The following EP300 variants were observed in gnomAD, a reference collection of about 807,000 sequenced individuals.
The protein encoded by EP300 is histone acetyltransferase p300.
In EP300, 31 loss-of-function variants were observed where a neutral mutation model predicts 264.0. The ratio of observed to expected loss-of-function variants is 0.12; its 90% CI spans 0.09 to 0.16. The LOEUF (loss-of-function observed/expected upper bound fraction) is 0.16, where lower values mean the gene tolerates loss of function less well. Among genes scored for constraint, EP300 ranks in the 10% least tolerant of loss-of-function variants. The probability of loss-of-function intolerance (pLI) is 1.00; values close to 1 mark genes in which losing one functional copy is unlikely to be tolerated. For missense variants in EP300, 2,766 were observed against 3,052.9 expected (o/e 0.91, Z 2.21); for synonymous variants, 1,340 against 1,045.4 (o/e 1.28, Z -5.44).
At chr22:41,107,309 A>T (rs1358227070) in intron 1 of EP300, among the ~76,000 whole-genome samples, 1 of 152,138 alleles carries the variant, frequency 6.6e-6, no homozygotes, top group East Asian at 1.9e-4. Context: ...AATAATTAAT[A>T]AAGGTGTTTT....
At chr22:41,166,357 A>G (rs2073787869) in intron 22 of EP300, among the ~76,000 whole-genome samples, 1 of 152,214 alleles carries the variant, frequency 6.6e-6, no homozygotes, top group African/African-American at 2.4e-5. Flanking sequence ...ATCCTTGATC[A>G]TCTTTTCCTG....
chr22:41,103,172 G>A (rs771281392), intron 1 of EP300, among the ~76,000 whole-genome samples: 2 of 152,106 alleles, frequency 1.3e-5, no homozygotes, highest in Non-Finnish European at 2.9e-5. Flanking sequence ...AATAAATTGG[G>A]GAGCATAGGA....
chr22:41,154,926 G>A (rs774944021), intron 16 of EP300, 69 bp from the exon 17 acceptor site: 96 of 1,051,762 alleles, frequency 9.1e-5, no homozygotes, highest in Non-Finnish European at 1.4e-4. Flanking sequence ...AGAGCTTCAG[G>A]CTGAATGATT....
At chr22:41,101,685 AC>A (rs1394808585) in intron 1 of EP300, among the ~76,000 whole-genome samples, 1 of 152,140 alleles carries the variant, frequency 6.6e-6, no homozygotes, top group African/African-American at 2.4e-5. Flanking sequence ...TGCTGGGATT[AC>A]AGGGGTAAGC....
Position 41,176,807 on chromosome 22 carries a change from A to C in EP300, c.5096A>C (p.Lys1699Thr). 2 of 1,614,202 alleles carry C rather than the reference A, an allele frequency of 1.2e-6. No homozygotes were observed. The highest frequency in any genetic ancestry group is 1.7e-6 in the Non-Finnish European group (2 of 1,180,034). Residue 1699 changes from lysine to threonine, a missense_variant, in exon 31 of 31, where the codon AAA becomes ACA. Physicochemically the swap from Lys to Thr is moderately conservative, Grantham distance 78 (BLOSUM62 -1). Transcript: ENST00000263253. ...YDLCITCYNT[K>T]NHDHKMEKLG... is the part of the protein sequence containing the mutation. ...TTGTGTATCACCTGCTATAACACTAAAAACCATGACCACAAAATGGAGAAA... is the reference window on the plus strand; with the variant it reads ...TTGTGTATCACCTGCTATAACACTACAAACCATGACCACAAAATGGAGAAA...
intron 7 of EP300, among the ~76,000 whole-genome samples, chr22:41,136,545 C>T (rs553832541): frequency 6.6e-6 from 1 of 152,118 alleles, no homozygotes; most frequent in South Asian, 2.1e-4. Context: ...CCTGTAGTCC[C>T]AGCTACTGAT....
chr22:41,165,626 T>C (rs1270042195), intron 22 of EP300, among the ~76,000 whole-genome samples: 6 of 152,190 alleles, frequency 3.9e-5, no homozygotes, highest in Middle Eastern at 3.2e-3. Flanking sequence ...TTTCATCATA[T>C]TGGTCAGGCT....
At position 41,178,387 on chromosome 22, in the gene EP300, C is replaced by T. The variant is rs752587236; in HGVS notation, c.6676C>T (p.Arg2226Trp). The change falls in exon 31 of 31, where the codon CGG (arginine) becomes TGG (tryptophan). Residue 2226 changes from arginine (R) to tryptophan (W), a missense_variant. Arg to Trp is a moderately radical substitution (Grantham distance 101). Coordinates refer to ENST00000263253, the MANE Select transcript of EP300 (RefSeq NM_001429.4). ...GVGYPPQQQQ[R>W]MQHHMQQMQQ... Reference sequence around the variant, plus strand: ...TGGCTACCCACCACAGCAGCAGCAGCGGATGCAGCATCACATGCAACAGAT... The same window carrying T: ...TGGCTACCCACCACAGCAGCAGCAGTGGATGCAGCATCACATGCAACAGAT... 9.9e-6 allele frequency: 16 copies of T among 1,614,010 alleles called. No individual in the cohort carries two copies. The highest frequency in any genetic ancestry group is 6.7e-5 in the African/African-American group (5 of 74,906).
chr22:41,110,117 G>GGC (rs1332250880), intron 1 of EP300, among the ~76,000 whole-genome samples: 6 of 65,548 alleles, frequency 9.2e-5, no homozygotes, highest in African/African-American at 2.8e-4. Flanking sequence ...CCTGTTCCCT[G>GGC]CCCCCCCCCC....
At position 41,177,674 on chromosome 22, in the gene EP300, G is replaced by C. The variant is rs2059209841; in HGVS notation, c.5963G>C (p.Gly1988Ala). Residue 1988 changes from glycine to alanine, a missense_variant, in exon 31 of 31, where the codon GGG becomes GCG. By Grantham distance (60) the Gly-to-Ala change is moderately conservative (BLOSUM62 0). Transcript: ENST00000263253. ...GHLEPGMGPTGMQQQPPWSQG... is the reference protein window; with the variant it reads ...GHLEPGMGPTAMQQQPPWSQG... ...TTGGAGCCAGGGATGGGACCGACAG[G>C]GATGCAGCAACAGCCACCCTGGAGC... The C allele has an allele frequency of 1.2e-6, 2 of 1,613,772 alleles. No individual in the cohort carries two copies. Among genetic ancestry groups the C allele is most frequent in the Admixed American group, 3.3e-5 (2 of 59,994 alleles).
At chr22:41,105,687 A>C (rs577551121) in intron 1 of EP300, among the ~76,000 whole-genome samples, 1 of 151,948 alleles carries the variant, frequency 6.6e-6, no homozygotes, top group Non-Finnish European at 1.5e-5. Flanking sequence ...GTGAGCCACC[A>C]CCCCTGGCGT....
rs1386805021 is a variant in EP300 at position 41,092,984 on chromosome 22, G to C, written c.-21G>C. 6.2e-7 allele frequency: 1 copy of C among 1,613,778 alleles called. No individual in the cohort carries two copies. Among genetic ancestry groups the C allele is most frequent in the South Asian group, 1.1e-5 (1 of 91,078 alleles). ...CTGAGGATTCTGGTTTTCCTCGCTT[G>C]TATCTCCGAAAGAATTAAAAATGGC... On this transcript the variant is annotated 5_prime_UTR_variant, in exon 1 of 31. Coordinates refer to ENST00000263253, the MANE Select transcript of EP300 (RefSeq NM_001429.4).
chr22:41,152,092 A>C (rs1479251182), intron 15 of EP300, 80 bp downstream of exon 15: 3 of 1,594,262 alleles, frequency 1.9e-6, no homozygotes, highest in African/African-American at 2.7e-5. Context: ...TTGCAGAAAA[A>C]TATTTTGATA....
chr22:41,102,199 A>G (rs1185891162), intron 1 of EP300, among the ~76,000 whole-genome samples: 2 of 152,076 alleles, frequency 1.3e-5, no homozygotes, highest in South Asian at 2.1e-4. Flanking sequence ...TATCCTCTGT[A>G]CATTGTTCCT....
intron 1 of EP300, among the ~76,000 whole-genome samples, chr22:41,109,537 A>G (rs547073496): frequency 9.2e-5 from 14 of 152,188 alleles, no homozygotes; most frequent in Non-Finnish European, 1.8e-4. Context: ...AAGCTGGGCT[A>G]TCTCCTAATA....
At chr22:41,132,474 GGT>G (rs1293618840) in intron 6 of EP300, among the ~76,000 whole-genome samples, 1 of 151,628 alleles carries the variant, frequency 6.6e-6, no homozygotes, top group African/African-American at 2.4e-5. Context: ...TTTTAGTAGA[GGT>G]GGGGTTTTCA....
chr22:41,136,117 T>G (rs1330751547), intron 7 of EP300, among the ~76,000 whole-genome samples: 2 of 152,158 alleles, frequency 1.3e-5, no homozygotes, highest in Non-Finnish European at 2.9e-5. Context: ...GCCTCCTGGT[T>G]CTGGTTAAAG....
intron 1 of EP300, among the ~76,000 whole-genome samples, chr22:41,110,800 TTTGA>T (rs1248252781): frequency 6.6e-6 from 1 of 152,056 alleles, no homozygotes. Flanking sequence ...CTTCTAGAAG[TTTGA>T]TTGATACTGC....
Position 41,168,510 on chromosome 22 carries a change from A to G in EP300, c.3936A>G (p.Arg1312=). 1 of 1,614,208 alleles carries G rather than the reference A, an allele frequency of 6.2e-7. No homozygotes were observed. The highest frequency in any genetic ancestry group is 2.2e-5 in the East Asian group (1 of 44,882). The change falls in exon 24 of 31, where the codon CGA becomes CGG. Residue 1312 remains arginine (R), a synonymous_variant. Coordinates refer to ENST00000263253, the MANE Select transcript of EP300 (RefSeq NM_001429.4). Reference sequence around the variant, plus strand: ...ATCGTGTGAATGACTTTCTGAGGCGACAGAATCACCCTGAGTCAGGAGAGG... The same window carrying G: ...ATCGTGTGAATGACTTTCTGAGGCGGCAGAATCACCCTGAGTCAGGAGAGG... The part of the protein sequence containing the change: ...LENRVNDFLR[R]QNHPESGEVT...
Sources: allele counts gnomAD v4.1 joint callset (sites outside exome capture counted in the v4.1 genomes callset), GRCh38; gene constraint gnomAD v4.1.1; transcripts MANE v1.5; gene names NCBI Gene and HGNC (gene_info 2026-07-23, HGNC 2026-07-21).